STRN3: variants seen among roughly 807,000 people sequenced by gnomAD.
STRN3 encodes the protein striatin-3.
Under a neutral mutation model 95.6 loss-of-function variants are expected in STRN3, and 29 were observed. The observed-to-expected ratio is 0.30, with a 90% CI of 0.23 to 0.41. The LOEUF (loss-of-function observed/expected upper bound fraction) is 0.41, where lower values mean the gene tolerates loss of function less well. Among genes scored for constraint, STRN3 ranks in the 10% least tolerant of loss-of-function variants. STRN3 has a pLI of 1.00. For synonymous variants in STRN3, 331 were observed against 357.6 expected, an observed-to-expected ratio of 0.93 and a Z score of 0.84; for missense variants, 890 against 972.1, an observed-to-expected ratio of 0.92 and a Z score of 1.12.
Position 31,026,295 on chromosome 14 carries a change from G to C in STRN3, c.-110C>G. On this transcript the variant is annotated 5_prime_UTR_variant, in exon 1 of 18. Transcript: ENST00000357479. The stretch of plus-strand genomic sequence containing the variant: ...GGGGCGGAGGCCGGCCGGGAGAGGG[G>C]CGGGGAAGGGGTCGTTGCTGTGTGC... 8.3e-7 allele frequency: 1 copy of C among 1,199,298 alleles called. No individual in the cohort carries two copies. Among genetic ancestry groups the C allele is most frequent in the Non-Finnish European group, 1.1e-6 (1 of 926,466 alleles). The allele number at this position is 1,199,298 out of a possible 1,614,324, so 74.3% of individuals were successfully genotyped here. A position where few individuals can be genotyped will look rare whatever the true frequency, so the allele number is the denominator to read the frequency against.
At chr14:30,930,239 G>A (rs1421258953) in intron 7 of STRN3, among the ~76,000 whole-genome samples, 1 of 152,026 alleles carries the variant, frequency 6.6e-6, no homozygotes, top group Non-Finnish European at 1.5e-5. Flanking sequence ...AAATATTGAG[G>A]ATTTTTCCTT....
intron 16 of STRN3, among the ~76,000 whole-genome samples, chr14:30,896,379 C>T (rs1038154620): frequency 6.6e-6 from 1 of 152,124 alleles, no homozygotes; most frequent in Non-Finnish European, 1.5e-5. Flanking sequence ...GCCTGTAGTT[C>T]CAAGCTACTC....
chr14:31,000,631 A>T (rs775264023), intron 1 of STRN3, among the ~76,000 whole-genome samples: 11 of 152,166 alleles, frequency 7.2e-5, no homozygotes, highest in Non-Finnish European at 1.6e-4. Context: ...TAGTGAGGTT[A>T]TCTTCCCCAG....
Position 30,895,219 on chromosome 14 carries a change from C to T in STRN3, c.*192G>A. 1 of 614,538 alleles carries T rather than the reference C, an allele frequency of 1.6e-6. No homozygotes were observed. The allele number at this position is 614,538 out of a possible 1,614,324, so 38.1% of individuals were successfully genotyped here. ...CTGGAGTCCTTTTTTCTTTGTCCCA[C>T]AAAATACAGTAATTACAGTTAACTT... On this transcript the variant is annotated 3_prime_UTR_variant, in exon 18 of 18. Coordinates refer to ENST00000357479, the MANE Select transcript of STRN3 (RefSeq NM_001083893.2).
Position 30,950,968 on chromosome 14 carries a change from T to C in STRN3, c.461-24A>G, listed in dbSNP as rs374613450. 3.3e-5 allele frequency: 52 copies of C among 1,591,286 alleles called. No individual in the cohort carries two copies. The African/African-American group carries it at 5.3e-4, about 16-fold the overall frequency. On this transcript the variant is annotated intron_variant, in intron 3 of 17. Transcript: ENST00000357479. Reference sequence around the variant, plus strand: ...TTCTAAAAATTAAGAAAAAAAAAGTTTTACATACTTTATTTCGACTCCTGA... The same window carrying C: ...TTCTAAAAATTAAGAAAAAAAAAGTCTTACATACTTTATTTCGACTCCTGA...
At chr14:30,986,935 A>AT (rs1396031413) in intron 1 of STRN3, among the ~76,000 whole-genome samples, 2 of 152,206 alleles carry the variant, frequency 1.3e-5, no homozygotes, top group Non-Finnish European at 2.9e-5. Context: ...CAAAAAGTTC[A>AT]TTTTTTTATA....
At chr14:30,984,446 G>A (rs1292469225) in intron 1 of STRN3, among the ~76,000 whole-genome samples, 1 of 151,630 alleles carries the variant, frequency 6.6e-6, no homozygotes, top group African/African-American at 2.4e-5. Flanking sequence ...TTTTGAGAAG[G>A]ATGGCTTTTA....
At chr14:30,993,496 A>G (rs1036745643) in intron 1 of STRN3, among the ~76,000 whole-genome samples, 6 of 152,332 alleles carry the variant, frequency 3.9e-5, no homozygotes. Flanking sequence ...ACTTAAATAT[A>G]ACATGAGAAA....
Position 30,981,576 on chromosome 14 carries a change from T to TCACACACACACACACA in STRN3, c.283-25350_283-25335dup, listed in dbSNP as rs34644271. ...TGAGAATCACAAGGTAGCTTAGAATTCACACACACACACACACACACACAC... is the reference window on the plus strand; with the variant it reads ...TGAGAATCACAAGGTAGCTTAGAATTCACACACACACACACACACACACACACACACACACACACAC... On this transcript the variant is annotated intron_variant, in intron 1 of 17. Coordinates refer to ENST00000357479, the MANE Select transcript of STRN3 (RefSeq NM_001083893.2). Among the ~76,000 whole-genome samples the TCACACACACACACACA allele has an allele frequency of 1.5e-3, 212 of 145,404 alleles. No individual in the cohort carries two copies. In the Middle Eastern group the frequency reaches 0.018, roughly 12 times the overall value.
Position 30,911,229 on chromosome 14 carries a change from C to T in STRN3, c.1599-67G>A, listed in dbSNP as rs1896599606. The stretch of plus-strand genomic sequence containing the variant: ...TAAGAAGAAACTCAAATCTCCATTC[C>T]CCCAACCTCTGAATTTATGTAATAT... On this transcript the variant is annotated intron_variant, in intron 12 of 17. Coordinates refer to ENST00000357479, the MANE Select transcript of STRN3 (RefSeq NM_001083893.2). The T allele has an allele frequency of 2.0e-6, 3 of 1,508,496 alleles. No individual in the cohort carries two copies. In the Admixed American group the frequency reaches 6.5e-5, roughly 33 times the overall value. 93.4% of individuals were successfully genotyped at this position (1,508,496 alleles called of 1,614,324 possible).
At position 30,926,238 on chromosome 14, in the gene STRN3, T is replaced by C. The variant is rs527976758; in HGVS notation, c.1099+2963A>G. ...GACCTTATCCCTGGATCTACTTACATTAGTAGCCTCAAAGACAGTAATATT... is the reference window on the plus strand; with the variant it reads ...GACCTTATCCCTGGATCTACTTACACTAGTAGCCTCAAAGACAGTAATATT... On this transcript the variant is annotated intron_variant, in intron 8 of 17. Coordinates refer to ENST00000357479, the MANE Select transcript of STRN3 (RefSeq NM_001083893.2). Among the ~76,000 whole-genome samples, 10 of 152,176 alleles carry C rather than the reference T, an allele frequency of 6.6e-5. No individual in the cohort carries two copies. The South Asian group carries it at 1.7e-3, about 25-fold the overall frequency.
rs192642336 is a variant in STRN3, at chr14:30,907,366, A to G, written c.1721-322T>C. ...TCTCTCATTTAAAGTGTATACTTCA[A>G]TGATTTTTGGTATGTTGTTCACAGA... On this transcript the variant is annotated intron_variant, in intron 13 of 17. Coordinates refer to ENST00000357479, the MANE Select transcript of STRN3 (RefSeq NM_001083893.2). Among the ~76,000 whole-genome samples, 15 of 152,106 alleles carry G rather than the reference A, an allele frequency of 9.9e-5. 1 individual carries two copies. In the East Asian group the frequency reaches 1.9e-3, roughly 20 times the overall value.
chr14:30,931,813 T>C (rs1878550476), intron 7 of STRN3: 1 of 152,198 alleles, frequency 6.6e-6, no homozygotes, highest in Non-Finnish European at 1.5e-5. Flanking sequence ...AAGGCAGTGG[T>C]TTCATAAGAT....
chr14:30,921,051 A>C (rs1472583147), intron 8 of STRN3, among the ~76,000 whole-genome samples: 1 of 142,106 alleles, frequency 7.0e-6, no homozygotes, highest in African/African-American at 2.6e-5. Flanking sequence ...AAAGGTGAGA[A>C]GGCTTTCTAC....
rs533323371 is a variant in STRN3 at position 30,987,177 on chromosome 14, A to C, written c.283-30935T>G. Among the ~76,000 whole-genome samples the C allele has an allele frequency of 2.0e-5, 3 of 152,306 alleles. No individual in the cohort carries two copies. The South Asian group carries it at 6.2e-4, about 32-fold the overall frequency. On this transcript the variant is annotated intron_variant, in intron 1 of 17. Coordinates refer to ENST00000357479, the MANE Select transcript of STRN3 (RefSeq NM_001083893.2). Reference sequence around the variant, plus strand: ...AAACTCCAAAGAAAGGGCAAGAGTAACGTAGAGGCATGGCAGCCGGAAAAA... The same window carrying C: ...AAACTCCAAAGAAAGGGCAAGAGTACCGTAGAGGCATGGCAGCCGGAAAAA...
chr14:30,911,992 C>G lies in STRN3; in HGVS notation c.1550+15G>C. On this transcript the variant is annotated intron_variant, in intron 11 of 17. Coordinates refer to ENST00000357479, the MANE Select transcript of STRN3 (RefSeq NM_001083893.2). ...AATTGGAAGAAATACACCAGGCTAACACTAAAATACTTGCTTTTTGGCAGG... is the reference window on the plus strand; with the variant it reads ...AATTGGAAGAAATACACCAGGCTAAGACTAAAATACTTGCTTTTTGGCAGG... The G allele has an allele frequency of 1.2e-6, 2 of 1,604,254 alleles. No homozygotes were observed. The highest frequency in any genetic ancestry group is 2.3e-5 in the South Asian group (2 of 88,680).
At chr14:30,922,619 T>C (rs1015698350) in intron 8 of STRN3, among the ~76,000 whole-genome samples, 1 of 152,214 alleles carries the variant, frequency 6.6e-6, no homozygotes, top group Non-Finnish European at 1.5e-5. Context: ...GATCAACTTT[T>C]ATATTCTGAA....
At chr14:31,022,186 T>C (rs1486900055) in intron 1 of STRN3, among the ~76,000 whole-genome samples, 1 of 152,076 alleles carries the variant, frequency 6.6e-6, no homozygotes, top group African/African-American at 2.4e-5. Flanking sequence ...AAGACCATCC[T>C]GGCTAACACG....
At chr14:30,920,361 G>T (rs1896849771) in intron 8 of STRN3, among the ~76,000 whole-genome samples, 1 of 151,952 alleles carries the variant, frequency 6.6e-6, no homozygotes, top group Non-Finnish European at 1.5e-5. Context: ...CCCCCACAGA[G>T]AAATGACTGT....
Sources: allele counts gnomAD v4.1 joint callset (sites outside exome capture counted in the v4.1 genomes callset), GRCh38; gene constraint gnomAD v4.1.1; transcripts MANE v1.5; gene names NCBI Gene and HGNC (gene_info 2026-07-23, HGNC 2026-07-21).